DLGAP4: variants seen among roughly 807,000 people sequenced by gnomAD.
DLGAP4 encodes the protein DLG associated protein 4, also known as disks large-associated protein 4.
In DLGAP4, 18 loss-of-function variants were observed where a neutral mutation model predicts 86.9. That is an observed-to-expected ratio of 0.21 (90% CI 0.14 to 0.31). The LOEUF (loss-of-function observed/expected upper bound fraction) is 0.31. DLGAP4 is among the 10% of genes least tolerant of loss of function. The pLI, the probability that DLGAP4 is intolerant of heterozygous loss-of-function variation, is 1.00. For synonymous variants in DLGAP4, 548 were observed against 574.3 expected, an observed-to-expected ratio of 0.95 and a Z score of 0.65; for missense variants, 1,085 against 1,362.6, an observed-to-expected ratio of 0.80 and a Z score of 3.21.
At chr20:36,319,999 C>G (rs959569529) in intron 1 of DLGAP4, among the ~76,000 whole-genome samples, 9 of 144,370 alleles carry the variant, frequency 6.2e-5, no homozygotes, top group African/African-American at 2.3e-4. Context: ...CTCTGTGTCC[C>G]TCTCCTCCAG....
At chr20:36,355,934 C>T (rs1174489466) in intron 1 of DLGAP4, among the ~76,000 whole-genome samples, 1 of 152,184 alleles carries the variant, frequency 6.6e-6, no homozygotes, top group African/African-American at 2.4e-5. Context: ...CAGGGTAAGC[C>T]AATGGGCATA....
chr20:36,320,671 G>A (rs1217149046), intron 1 of DLGAP4, among the ~76,000 whole-genome samples: 3 of 152,140 alleles, frequency 2.0e-5, no homozygotes, highest in Non-Finnish European at 1.5e-5. Flanking sequence ...AGCCACACCT[G>A]GTACCTGGAG....
rs1373875748 is a variant in DLGAP4, at chr20:36,306,648, A to C, written c.-304+136A>C. 2 of 151,782 alleles carry C rather than the reference A, an allele frequency of 1.3e-5. No individual in the cohort carries two copies. The highest frequency in any genetic ancestry group is 2.9e-5 in the Non-Finnish European group (2 of 68,012). 9.4% of individuals were successfully genotyped at this position (151,782 alleles called of 1,614,324 possible). ...AACCGGGGGACGGCGCTGGCGCAGA[A>C]AAGCCCCCTCCCCTGCCAGTTCTGT... is the stretch of plus-strand genomic sequence containing the variant. On this transcript the variant is annotated intron_variant, in intron 1 of 12. Transcript: ENST00000339266. This position sits in a 1 kb window ranked among gnomAD's most constrained non-coding sequence, Gnocchi z 4.9.
intron 2 of DLGAP4, among the ~76,000 whole-genome samples, chr20:36,375,998 GTCTC>G (rs1239738821): frequency 1.3e-5 from 2 of 152,010 alleles, no homozygotes; most frequent in Non-Finnish European, 2.9e-5. Context: ...GCAACACCCT[GTCTC>G]TCTCTCCATC....
chr20:36,420,599 A>C (rs2032795132), intron 2 of DLGAP4, among the ~76,000 whole-genome samples: 1 of 152,156 alleles, frequency 6.6e-6, no homozygotes, highest in Admixed American at 6.6e-5. Flanking sequence ...GCACTTTGAG[A>C]GGCTAAGGTG....
chr20:36,406,949 G>T (rs551869172), intron 2 of DLGAP4, among the ~76,000 whole-genome samples: 1 of 152,252 alleles, frequency 6.6e-6, no homozygotes, highest in South Asian at 2.1e-4. Context: ...CAGCCTCTGT[G>T]CCCCAGTTTT....
chr20:36,484,593 C>T (rs1396278437), intron 7 of DLGAP4, among the ~76,000 whole-genome samples: 2 of 152,278 alleles, frequency 1.3e-5, no homozygotes, highest in East Asian at 3.8e-4. Flanking sequence ...GAAACCAGAC[C>T]TGGCCTTCCG....
intron 7 of DLGAP4, among the ~76,000 whole-genome samples, chr20:36,490,621 A>G (rs1025431141): frequency 6.6e-6 from 1 of 152,132 alleles, no homozygotes; most frequent in African/African-American, 2.4e-5. Context: ...CTTTGCTGTA[A>G]AGCCTGAGCC....
chr20:36,435,078 T>TG lies in DLGAP4; in HGVS notation c.1000-1022dup, dbSNP rs113537390. Among the ~76,000 whole-genome samples the TG allele has an allele frequency of 1.6e-3, 237 of 148,044 alleles. 1 individual carries two copies. The highest frequency in any genetic ancestry group is 2.8e-3 in the South Asian group (13 of 4,578). ...GCTCTGTGTATATGCTGCATACTTGTGGGGGGGGGTTGCTGTGACAAAGTG... is the reference window on the plus strand; with the variant it reads ...GCTCTGTGTATATGCTGCATACTTGTGGGGGGGGGGTTGCTGTGACAAAGTG... On this transcript the variant is annotated intron_variant, in intron 3 of 12. Coordinates refer to ENST00000339266, the MANE Select transcript of DLGAP4 (RefSeq NM_001365621.2).
chr20:36,367,608 G>A (rs929314946), intron 2 of DLGAP4, among the ~76,000 whole-genome samples: 10 of 152,304 alleles, frequency 6.6e-5, no homozygotes, highest in Admixed American at 1.3e-4. Flanking sequence ...GACAGGTTGT[G>A]CACATAGGCT....
chr20:36,466,498 C>T (rs898977852), intron 7 of DLGAP4, among the ~76,000 whole-genome samples: 1 of 152,160 alleles, frequency 6.6e-6, no homozygotes, highest in Admixed American at 6.5e-5. Flanking sequence ...GGAATGAAGT[C>T]TAGTCCTTAC....
chr20:36,447,833 C>T (rs1477058796), intron 7 of DLGAP4, among the ~76,000 whole-genome samples: 1 of 131,810 alleles, frequency 7.6e-6, no homozygotes, highest in Non-Finnish European at 1.5e-5. Flanking sequence ...TGTTCTCACT[C>T]ATAAGTGGGA....
chr20:36,375,079 TGAGGCTCAGA>T (rs1569477332), intron 2 of DLGAP4, among the ~76,000 whole-genome samples: 1 of 152,202 alleles, frequency 6.6e-6, no homozygotes, highest in Non-Finnish European at 1.5e-5. Context: ...AGAAGGAAAC[TGAGGCTCAGA>T]GAGGCCAAGC....
chr20:36,312,199 C>T (rs2065059177), intron 1 of DLGAP4, among the ~76,000 whole-genome samples: 1 of 152,180 alleles, frequency 6.6e-6, no homozygotes, highest in East Asian at 1.9e-4. Context: ...TCTGGTTAAG[C>T]CAGCTCATCT....
rs574957644 is a variant in DLGAP4, at chr20:36,367,224, T to C, written c.-124T>C. The C allele has an allele frequency of 2.0e-5, 3 of 153,112 alleles. No individual in the cohort carries two copies. Among genetic ancestry groups the C allele is most frequent in the African/African-American group, 7.2e-5 (3 of 41,592 alleles). 9.5% of individuals were successfully genotyped at this position (153,112 alleles called of 1,614,324 possible). On this transcript the variant is annotated 5_prime_UTR_variant, in exon 2 of 13. Coordinates refer to ENST00000339266, the MANE Select transcript of DLGAP4 (RefSeq NM_001365621.2). Reference sequence around the variant, plus strand: ...CAGTGCCCGCTCCTGAGCTGACTCCTGCTGGGCCCCGACAGCTTGCCGTGT... The same window carrying C: ...CAGTGCCCGCTCCTGAGCTGACTCCCGCTGGGCCCCGACAGCTTGCCGTGT...
rs192737230 is a variant in DLGAP4 at position 36,523,941 on chromosome 20, G to A, written c.2513-309G>A. ...CCCAAAAAGTGCTGGGATTACAGGC[G>A]TGAGCCACTGTACGCAGCCTCTCTT... is the stretch of plus-strand genomic sequence containing the variant. On this transcript the variant is annotated intron_variant, in intron 10 of 12. Transcript: ENST00000339266. 2.0e-5 allele frequency among the ~76,000 whole-genome samples: 3 copies of A among 152,300 alleles called. No homozygotes were observed. In the East Asian group the frequency reaches 5.8e-4, roughly 29 times the overall value.
chr20:36,423,920 G>A (rs1381966037), intron 2 of DLGAP4, among the ~76,000 whole-genome samples: 8 of 151,960 alleles, frequency 5.3e-5, no homozygotes, highest in Non-Finnish European at 1.0e-4. Flanking sequence ...AGATCATGCC[G>A]CTGCACTCCA....
chr20:36,515,951 C>T (rs2037012147), intron 10 of DLGAP4, among the ~76,000 whole-genome samples: 1 of 152,128 alleles, frequency 6.6e-6, no homozygotes, highest in Non-Finnish European at 1.5e-5. Flanking sequence ...TTTTTGTTTC[C>T]TTGCAGTTTG....
intron 1 of DLGAP4, among the ~76,000 whole-genome samples, chr20:36,330,807 T>C (rs2065259880): frequency 6.6e-6 from 1 of 152,130 alleles, no homozygotes; most frequent in Admixed American, 6.5e-5. Flanking sequence ...CTCTTGACCT[T>C]GTGATTCTGC....
Sources: allele counts gnomAD v4.1 joint callset (sites outside exome capture counted in the v4.1 genomes callset), GRCh38; gene constraint gnomAD v4.1.1; non-coding constraint Gnocchi (gnomAD v3.1); transcripts MANE v1.5; gene names NCBI Gene and HGNC (gene_info 2026-07-23, HGNC 2026-07-21).